IL12RB2: variants seen among roughly 807,000 people sequenced by gnomAD.
IL12RB2 encodes the protein interleukin-12 receptor subunit beta-2.
IL12RB2 carries 82 observed loss-of-function variants against 89.4 expected under a neutral mutation model. That is an observed-to-expected ratio of 0.92 (90% confidence interval 0.77 to 1.10). IL12RB2 has a LOEUF of 1.10. IL12RB2 is among the 50% of genes least tolerant of loss of function. The pLI is 0.00. For synonymous variants in IL12RB2, 368 were observed against 370.1 expected, an observed-to-expected ratio of 0.99 and a Z score of 0.07; for missense variants, 963 against 1,031.9, an observed-to-expected ratio of 0.93 and a Z score of 0.92.
intron 10 of IL12RB2, among the ~76,000 whole-genome samples, chr1:67,360,918 A>G (rs1661972565): frequency 6.6e-6 from 1 of 152,158 alleles, no homozygotes; most frequent in South Asian, 2.1e-4. Flanking sequence ...GGTGGGAGGA[A>G]CATATCTAAT....
chr1:67,318,091 C>T (rs377186692), intron 2 of IL12RB2, among the ~76,000 whole-genome samples: 51 of 152,162 alleles, frequency 3.4e-4, no homozygotes, highest in Non-Finnish European at 5.3e-4. Context: ...CACACGAAGA[C>T]GCAAGGGAAG....
intron 8 of IL12RB2, among the ~76,000 whole-genome samples, chr1:67,333,735 A>G (rs975096932): frequency 6.6e-6 from 1 of 152,224 alleles, no homozygotes; most frequent in Non-Finnish European, 1.5e-5. Context: ...GAGAGCAGCC[A>G]CATTTTCCTT....
At position 67,350,905 on chromosome 1, in the gene IL12RB2, C is replaced by G; in HGVS notation, c.1074C>G (p.Leu358=). ...LSVSEARGKI[L]HYQVTLQELT... ...TCTCAGAGGCAAGAGGAAAAATTCTCCACTATCAGGTGACCTTGCAGGAGC... is the reference window on the plus strand; with the variant it reads ...TCTCAGAGGCAAGAGGAAAAATTCTGCACTATCAGGTGACCTTGCAGGAGC... The change falls in exon 10 of 17, where the codon CTC becomes CTG. Residue 358 remains leucine (L), a synonymous_variant. Coordinates refer to ENST00000674203, the MANE Select transcript of IL12RB2 (RefSeq NM_001374259.2). The G allele has an allele frequency of 6.2e-7, 1 of 1,614,048 alleles. No individual in the cohort carries two copies. The highest frequency in any genetic ancestry group is 8.5e-7 in the Non-Finnish European group (1 of 1,179,970).
At chr1:67,377,718 C>T (rs1664129565) in intron 13 of IL12RB2, among the ~76,000 whole-genome samples, 1 of 127,198 alleles carries the variant, frequency 7.9e-6, no homozygotes, top group Admixed American at 9.7e-5. Context: ...TTCCCAGTTT[C>T]CCCTCTCTTT....
chr1:67,372,753 C>T lies in IL12RB2; in HGVS notation c.1687C>T (p.Arg563Trp), dbSNP rs780229423. 67 of 1,607,422 alleles carry T rather than the reference C, an allele frequency of 4.2e-5. No homozygotes were observed. The highest frequency in any genetic ancestry group is 5.5e-5 in the Non-Finnish European group (64 of 1,174,048). The stretch of plus-strand genomic sequence containing the variant: ...CCATTATAGGATATACTGGAAGGAA[C>T]GGGACTCCAACTCCCAGCCTCAGCT... ...LLHYRIYWKERDSNSQPQLCE... is the reference protein window; with the variant it reads ...LLHYRIYWKEWDSNSQPQLCE... Residue 563 changes from arginine to tryptophan, a missense_variant, in exon 13 of 17, where the codon CGG becomes TGG. By Grantham distance (101) the Arg-to-Trp change is moderately radical. Coordinates refer to ENST00000674203, the MANE Select transcript of IL12RB2 (RefSeq NM_001374259.2).
chr1:67,339,348 A>G (rs1659254443), intron 9 of IL12RB2, among the ~76,000 whole-genome samples: 2 of 152,078 alleles, frequency 1.3e-5, no homozygotes, highest in African/African-American at 4.8e-5. Context: ...TTAGCCGGGC[A>G]TGGTGGCATG....
chr1:67,390,127 A>C lies in IL12RB2; in HGVS notation c.2045A>C (p.Glu682Ala). Residue 682 changes from glutamate (E) to alanine (A), a missense_variant and splice_region_variant, in exon 16 of 17, where the codon GAG (glutamate) becomes GCG (alanine). Glu to Ala is a moderately radical substitution (Grantham distance 107). Coordinates refer to ENST00000674203, the MANE Select transcript of IL12RB2 (RefSeq NM_001374259.2). ...TGCGCTAAGAAATATCCCATTGCAG[A>C]GGTAAGGTACAATTCCTCTGTGGTC... ...STCAKKYPIA[E>A]EKTQLPLDRL... 1.8e-6 allele frequency: 2 copies of C among 1,091,866 alleles called. No homozygotes were observed. The allele number at this position is 1,091,866 out of a possible 1,614,324, so 67.6% of individuals were successfully genotyped here.
At chr1:67,331,618 T>G (rs991178008) in intron 8 of IL12RB2, among the ~76,000 whole-genome samples, 5 of 152,064 alleles carry the variant, frequency 3.3e-5, no homozygotes, top group Non-Finnish European at 7.4e-5. Flanking sequence ...GGTGGGCAGA[T>G]CACGAGGTCA....
chr1:67,335,112 T>C (rs1263026228), intron 8 of IL12RB2, among the ~76,000 whole-genome samples: 1 of 152,216 alleles, frequency 6.6e-6, no homozygotes, highest in East Asian at 1.9e-4. Context: ...AGAACTCTTT[T>C]CAAGAAGTTA....
intron 2 of IL12RB2, among the ~76,000 whole-genome samples, chr1:67,314,934 T>G (rs1655574422): frequency 6.6e-6 from 1 of 151,872 alleles, no homozygotes; most frequent in South Asian, 2.1e-4. Flanking sequence ...GATTTTCTGA[T>G]TCAAGACAGA....
intron 9 of IL12RB2, among the ~76,000 whole-genome samples, chr1:67,342,363 G>C (rs920138691): frequency 6.6e-6 from 1 of 152,166 alleles, no homozygotes; most frequent in African/African-American, 2.4e-5. Flanking sequence ...AATAAAGTGA[G>C]AGCACTTTTC....
Position 67,396,656 on chromosome 1 carries a change from C to T in IL12RB2, c.*567C>T, listed in dbSNP as rs1279679152. The T allele has an allele frequency of 1.8e-5, 3 of 167,114 alleles. No individual in the cohort carries two copies. The highest frequency in any genetic ancestry group is 7.2e-5 in the African/African-American group (3 of 41,780). The allele number at this position is 167,114 out of a possible 1,614,324, so 10.4% of individuals were successfully genotyped here. On this transcript the variant is annotated 3_prime_UTR_variant, in exon 17 of 17. Coordinates refer to ENST00000674203, the MANE Select transcript of IL12RB2 (RefSeq NM_001374259.2). ...AATTTTGATTGTAAATTTAAATCGC[C>T]ACACATGGCTAGTGGCTACTGTATT...
intron 8 of IL12RB2, among the ~76,000 whole-genome samples, chr1:67,336,292 G>A (rs1340117286): frequency 6.6e-6 from 1 of 152,200 alleles, no homozygotes; most frequent in Non-Finnish European, 1.5e-5. Flanking sequence ...CAGCTGTAAA[G>A]CAGATGTAAT....
intron 8 of IL12RB2, among the ~76,000 whole-genome samples, chr1:67,336,083 C>T (rs780815725): frequency 8.5e-5 from 13 of 152,198 alleles, no homozygotes; most frequent in Admixed American, 3.3e-4. Context: ...TGAGCACACC[C>T]GGGTTTCCAA....
rs1162050069 is a variant in IL12RB2, at chr1:67,357,082, C to T, written c.1258+5993C>T. The stretch of plus-strand genomic sequence containing the variant: ...TAAATATAGCATGTTTTAGGCCAAG[C>T]ATGGTAGCTCATGCCTGTTATTCTG... On this transcript the variant is annotated intron_variant, in intron 10 of 16. Coordinates refer to ENST00000674203, the MANE Select transcript of IL12RB2 (RefSeq NM_001374259.2). Among the ~76,000 whole-genome samples, 5 of 152,102 alleles carry T rather than the reference C, an allele frequency of 3.3e-5. No individual in the cohort carries two copies. The South Asian group carries it at 8.3e-4, about 25-fold the overall frequency.
chr1:67,319,733 T>C (rs910916889), intron 2 of IL12RB2, among the ~76,000 whole-genome samples: 2 of 152,204 alleles, frequency 1.3e-5, no homozygotes, highest in Admixed American at 6.5e-5. Flanking sequence ...CCTATTGCTG[T>C]GGTCTGAATG....
intron 2 of IL12RB2, among the ~76,000 whole-genome samples, chr1:67,317,824 A>G (rs1569718043): frequency 6.6e-6 from 1 of 152,336 alleles, no homozygotes; most frequent in East Asian, 1.9e-4. Flanking sequence ...AACAGTGAGC[A>G]AGGTAGTCAA....
chr1:67,390,061 A>G lies in IL12RB2; in HGVS notation c.1979A>G (p.Gln660Arg), dbSNP rs1665637262. The change falls in exon 16 of 17, where the codon CAG becomes CGG. Residue 660 changes from glutamine (Q) to arginine (R), a missense_variant. By Grantham distance (43) the Gln-to-Arg change is conservative. Coordinates refer to ENST00000674203, the MANE Select transcript of IL12RB2 (RefSeq NM_001374259.2). ...VFVLLAALRPQWCSREIPDPA... is the reference protein window; with the variant it reads ...VFVLLAALRPRWCSREIPDPA... ...GTTCTCCTAGCAGCCCTCAGACCTC[A>G]GTGGTGTAGCAGAGAAATTCCAGAT... 1.5e-6 allele frequency: 2 copies of G among 1,373,782 alleles called. No homozygotes were observed. The highest frequency in any genetic ancestry group is 2.1e-6 in the Non-Finnish European group (2 of 960,336). 85.1% of individuals were successfully genotyped at this position (1,373,782 alleles called of 1,614,324 possible). A position where few individuals can be genotyped will look rare whatever the true frequency, so the allele number is the denominator to read the frequency against.
intron 9 of IL12RB2, among the ~76,000 whole-genome samples, chr1:67,341,349 G>A (rs1282069237): frequency 6.6e-6 from 1 of 151,892 alleles, no homozygotes; most frequent in African/African-American, 2.4e-5. Context: ...AACCCGGGAG[G>A]CAGAGGTTGC....
Sources: allele counts gnomAD v4.1 joint callset (sites outside exome capture counted in the v4.1 genomes callset), GRCh38; gene constraint gnomAD v4.1.1; transcripts MANE v1.5; gene names NCBI Gene and HGNC (gene_info 2026-07-23, HGNC 2026-07-21).